The following CHN2 variants were observed in gnomAD, a reference collection of about 807,000 sequenced individuals.
CHN2 encodes beta-chimaerin.
A neutral mutation model predicts 56.3 loss-of-function variants in CHN2; 35 were observed. The ratio of observed to expected loss-of-function variants is 0.62; its 90% CI spans 0.47 to 0.82. The LOEUF (loss-of-function observed/expected upper bound fraction) is 0.82. Among genes scored for constraint, CHN2 ranks in the 40% least tolerant of loss-of-function variants. The pLI, the probability that CHN2 is intolerant of heterozygous loss-of-function variation, is 0.00. For missense variants in CHN2, 491 were observed against 580.5 expected (o/e 0.85, Z 1.58); for synonymous variants, 210 against 212.8 (o/e 0.99, Z 0.12).
intron 1 of CHN2, among the ~76,000 whole-genome samples, chr7:29,283,117 C>T (rs916276909): frequency 2.6e-5 from 4 of 152,194 alleles, no homozygotes; most frequent in Non-Finnish European, 5.9e-5. Context: ...CGATGTCTGA[C>T]CTCCACTGGA....
intron 9 of CHN2, among the ~76,000 whole-genome samples, chr7:29,500,947 G>T (rs564554634): frequency 1.3e-5 from 2 of 152,150 alleles, no homozygotes; most frequent in Non-Finnish European, 2.9e-5. Flanking sequence ...GTATCAAAAT[G>T]TTCACTGAAG....
rs144933395 is a variant in CHN2, at chr7:29,401,750, G to T, written c.576+922G>T. ...CTCCTAAGTGGGCAAGTATGCAGGCGGGGGGTAGATTGTGGCAGGAGGCGG... is the reference window on the plus strand; with the variant it reads ...CTCCTAAGTGGGCAAGTATGCAGGCTGGGGGTAGATTGTGGCAGGAGGCGG... On this transcript the variant is annotated intron_variant, in intron 6 of 12. Transcript: ENST00000222792. Among the ~76,000 whole-genome samples the T allele has an allele frequency of 1.1e-3, 173 of 152,308 alleles. 1 individual carries two copies. The highest frequency in any genetic ancestry group is 3.9e-3 in the African/African-American group (162 of 41,564).
At chr7:29,382,679 C>T (rs529881057) in intron 3 of CHN2, among the ~76,000 whole-genome samples, 1 of 152,276 alleles carries the variant, frequency 6.6e-6, no homozygotes, top group South Asian at 2.1e-4. Context: ...CAATCCCAAT[C>T]CCAGTAAGAT....
At chr7:29,432,085 G>A (rs138415700) in intron 6 of CHN2, among the ~76,000 whole-genome samples, 8 of 152,222 alleles carry the variant, frequency 5.3e-5, no homozygotes, top group African/African-American at 1.2e-4. Flanking sequence ...ATCTCCTTAT[G>A]AATCCTTTCC....
intron 1 of CHN2, among the ~76,000 whole-genome samples, chr7:29,295,453 A>G (rs1793066090): frequency 1.3e-5 from 2 of 151,926 alleles, no homozygotes; most frequent in African/African-American, 4.8e-5. Context: ...AATGAAATGG[A>G]AACAACCCCT....
At chr7:29,370,679 TGATA>T (rs1799540157) in intron 3 of CHN2, among the ~76,000 whole-genome samples, 2 of 152,088 alleles carry the variant, frequency 1.3e-5, no homozygotes, top group Non-Finnish European at 2.9e-5. Context: ...CAGTTCAACG[TGATA>T]AATACCCACA....
intron 1 of CHN2, among the ~76,000 whole-genome samples, chr7:29,240,912 G>A (rs1218615646): frequency 6.8e-6 from 1 of 147,046 alleles, no homozygotes; most frequent in East Asian, 2.0e-4. Context: ...TCTTCTTCTA[G>A]TCTCACTGTG....
At chr7:29,313,935 T>A (rs1794773476) in intron 1 of CHN2, among the ~76,000 whole-genome samples, 1 of 152,186 alleles carries the variant, frequency 6.6e-6, no homozygotes, top group Non-Finnish European at 1.5e-5. Context: ...TTAGAGCCAT[T>A]CTGCCCAGTG....
chr7:29,239,880 G>A (rs562296412), intron 1 of CHN2, among the ~76,000 whole-genome samples: 57 of 152,296 alleles, frequency 3.7e-4, no homozygotes, highest in African/African-American at 1.3e-3. Flanking sequence ...CTCCTATCAG[G>A]GAGAGGGACC....
chr7:29,270,553 A>G (rs245996), intron 1 of CHN2, among the ~76,000 whole-genome samples: 79,134 of 150,176 alleles, frequency 0.53, 21,592 homozygotes, highest in East Asian at 0.95. Context: ...AATCCCAGCT[A>G]CTTAGGAGGT....
chr7:29,347,033 C>G (rs1056468295), intron 1 of CHN2, among the ~76,000 whole-genome samples: 3 of 152,110 alleles, frequency 2.0e-5, no homozygotes, highest in African/African-American at 7.2e-5. Context: ...CTTCCAGGAG[C>G]GTTCTGTGTC....
intron 2 of CHN2, among the ~76,000 whole-genome samples, chr7:29,169,670 G>A (rs1470662218): frequency 6.6e-6 from 1 of 151,952 alleles, no homozygotes; most frequent in Non-Finnish European, 1.5e-5. Context: ...CTGCCATCAT[G>A]TGCTGCTCTG....
At chr7:29,227,971 A>G (rs39068) in intron 1 of CHN2, among the ~76,000 whole-genome samples, 109,183 of 151,920 alleles carry the variant, frequency 0.72, 39,804 homozygotes, top group African/African-American at 0.83. Context: ...GGATGCTGGC[A>G]TCCAACAAGC....
chr7:29,261,413 G>A (rs969753632), intron 1 of CHN2, among the ~76,000 whole-genome samples: 2 of 152,120 alleles, frequency 1.3e-5, no homozygotes, highest in Admixed American at 6.5e-5. Context: ...CTGCTAGGAC[G>A]CTGGGATTTC....
chr7:29,305,439 C>T (rs2128881190), intron 1 of CHN2, among the ~76,000 whole-genome samples: 1 of 151,968 alleles, frequency 6.6e-6, no homozygotes, highest in South Asian at 2.1e-4. Flanking sequence ...GGGATAGTCT[C>T]TTCTATGATA....
Position 29,354,621 on chromosome 7 carries a change from C to A in CHN2, c.50-4C>A. ...ATGGATTTCTTTTTTTTTTTTCATTCTAGATGCTGAAGAATACCAGCCTCC... is the reference window on the plus strand; with the variant it reads ...ATGGATTTCTTTTTTTTTTTTCATTATAGATGCTGAAGAATACCAGCCTCC... On this transcript the variant is annotated splice_polypyrimidine_tract_variant and splice_region_variant and intron_variant, in intron 1 of 12. Transcript: ENST00000222792. 1.3e-6 allele frequency: 2 copies of A among 1,592,976 alleles called. No individual in the cohort carries two copies. Among genetic ancestry groups the A allele is most frequent in the Non-Finnish European group, 8.5e-7 (1 of 1,171,848 alleles).
At chr7:29,500,543 A>G (rs565999176) in intron 9 of CHN2, among the ~76,000 whole-genome samples, 10 of 152,290 alleles carry the variant, frequency 6.6e-5, no homozygotes, top group African/African-American at 2.4e-4. Context: ...CATGGAAGAA[A>G]TTCATACTTT....
At position 29,329,301 on chromosome 7, in the gene CHN2, G is replaced by A. The variant is rs981900072; in HGVS notation, c.50-25324G>A. On this transcript the variant is annotated intron_variant, in intron 1 of 12. Transcript: ENST00000222792. ...TAGTAGTATGGCTGGCAAATTATGAGTGTTGACAGCAAACAGACAGGAAGA... is the reference window on the plus strand; with the variant it reads ...TAGTAGTATGGCTGGCAAATTATGAATGTTGACAGCAAACAGACAGGAAGA... Among the ~76,000 whole-genome samples the A allele has an allele frequency of 8.7e-5, 12 of 137,670 alleles. No individual in the cohort carries two copies. The East Asian group carries it at 2.9e-3, about 33-fold the overall frequency. The allele number at this position is 137,670 out of a possible 152,430, so 90.3% of individuals were successfully genotyped here. A position where few individuals can be genotyped will look rare whatever the true frequency, so the allele number is the denominator to read the frequency against.
Position 29,346,980 on chromosome 7 carries a change from G to A in CHN2, c.50-7645G>A, listed in dbSNP as rs115495751. Reference sequence around the variant, plus strand: ...CAGCCATCCAAACGTGTGGATTCGCGTATGTTCCCTGCACTCCATGGCCAT... The same window carrying A: ...CAGCCATCCAAACGTGTGGATTCGCATATGTTCCCTGCACTCCATGGCCAT... On this transcript the variant is annotated intron_variant, in intron 1 of 12. Coordinates refer to ENST00000222792, the MANE Select transcript of CHN2 (RefSeq NM_004067.4). Among the ~76,000 whole-genome samples the A allele has an allele frequency of 1.4e-3, 213 of 152,246 alleles. 1 individual carries two copies. Among genetic ancestry groups the A allele is most frequent in the African/African-American group, 4.6e-3 (193 of 41,546 alleles).
Sources: gnomAD v4.1 joint callset for allele counts (sites outside exome capture counted in the v4.1 genomes callset) on GRCh38, gnomAD v4.1.1 for gene constraint, MANE v1.5 for transcripts, NCBI Gene and HGNC (gene_info 2026-07-23, HGNC 2026-07-21) for gene names.